VPS8: variants seen among roughly 807,000 people sequenced by gnomAD.
VPS8 encodes the protein vacuolar protein sorting-associated protein 8 homolog.
A neutral mutation model predicts 216.4 loss-of-function variants in VPS8; 129 were observed. The ratio of observed to expected loss-of-function variants is 0.60; its 90% CI spans 0.52 to 0.69. The LOEUF (loss-of-function observed/expected upper bound fraction) is 0.69, where lower values mean the gene tolerates loss of function less well. Among genes scored for constraint, VPS8 ranks in the 30% least tolerant of loss-of-function variants. VPS8 has a pLI of 0.00. For synonymous variants in VPS8, 571 were observed against 565.4 expected (o/e 1.01, Z -0.14); for missense variants, 1,531 against 1,683.5 (o/e 0.91, Z 1.59).
chr3:184,857,944 G>A (rs1725573498), intron 14 of VPS8, among the ~76,000 whole-genome samples: 1 of 152,140 alleles, frequency 6.6e-6, no homozygotes. Flanking sequence ...ATTTAGTGAA[G>A]TGAAGAGGGG....
intron 9 of VPS8, 25 bp downstream of exon 9, chr3:184,849,220 C>G: frequency 6.2e-7 from 1 of 1,600,768 alleles, no homozygotes; most frequent in Non-Finnish European, 8.5e-7. Context: ...TCCTTTAATT[C>G]ATAAGACAAT....
At chr3:184,873,746 A>G (rs1023964708) in intron 21 of VPS8, among the ~76,000 whole-genome samples, 8 of 152,200 alleles carry the variant, frequency 5.3e-5, no homozygotes, top group Admixed American at 5.2e-4. Context: ...GAAGCCGACC[A>G]TATGTAATGT....
At chr3:184,979,687 G>T (rs1323315819) in intron 40 of VPS8, among the ~76,000 whole-genome samples, 1 of 151,864 alleles carries the variant, frequency 6.6e-6, no homozygotes, top group Non-Finnish European at 1.5e-5. Context: ...TGAGTCTATG[G>T]GTATCATTGC....
intron 17 of VPS8, among the ~76,000 whole-genome samples, chr3:184,867,280 G>A (rs1375344376): frequency 6.6e-6 from 1 of 152,140 alleles, no homozygotes; most frequent in Non-Finnish European, 1.5e-5. Context: ...TAAGATGGCT[G>A]TTAGCTTAGA....
chr3:185,028,833 A>C (rs1414267644), intron 46 of VPS8, among the ~76,000 whole-genome samples: 3 of 152,180 alleles, frequency 2.0e-5, no homozygotes, highest in Admixed American at 6.5e-5. Flanking sequence ...CAGTAACCTC[A>C]TCAGTCTTGT....
chr3:184,866,813 T>TA (rs1049850069), intron 16 of VPS8, 63 bp from the exon 17 acceptor site: 9 of 1,493,610 alleles, frequency 6.0e-6, no homozygotes, highest in Admixed American at 2.0e-5. Flanking sequence ...GATGAAATGT[T>TA]AAAAAATATA....
chr3:184,937,953 TG>T (rs1156941335), intron 35 of VPS8, among the ~76,000 whole-genome samples: 1 of 152,200 alleles, frequency 6.6e-6, no homozygotes, highest in Non-Finnish European at 1.5e-5. Flanking sequence ...TTCTGTGTAC[TG>T]AGAATTATTG....
intron 46 of VPS8, among the ~76,000 whole-genome samples, chr3:185,031,868 T>TA (rs1012287307): frequency 2.6e-5 from 4 of 152,140 alleles, no homozygotes; most frequent in African/African-American, 9.7e-5. Context: ...ATAATTGTAT[T>TA]AAAAACAAGT....
At chr3:184,961,928 A>G (rs1028549778) in intron 37 of VPS8, among the ~76,000 whole-genome samples, 1 of 151,916 alleles carries the variant, frequency 6.6e-6, no homozygotes, top group Non-Finnish European at 1.5e-5. Context: ...CACCGTGCTA[A>G]TTTTTGTATT....
At chr3:184,894,947 T>TA in intron 23 of VPS8, 22 bp downstream of exon 23, 1 of 1,558,322 alleles carries the variant, frequency 6.4e-7, no homozygotes, top group South Asian at 1.2e-5. Context: ...GACAGTCTAC[T>TA]AACTTATGAA....
chr3:185,037,025 A>G (rs1168795353), intron 46 of VPS8, among the ~76,000 whole-genome samples: 3 of 151,282 alleles, frequency 2.0e-5, no homozygotes, highest in Non-Finnish European at 2.9e-5. Context: ...ATATGCATTT[A>G]TACTGTATTT....
At chr3:184,837,556 A>C (rs529969673) in intron 5 of VPS8, among the ~76,000 whole-genome samples, 1 of 152,172 alleles carries the variant, frequency 6.6e-6, no homozygotes, top group Non-Finnish European at 1.5e-5. Flanking sequence ...TATACACTCA[A>C]AGTTGGATAG....
intron 35 of VPS8, among the ~76,000 whole-genome samples, chr3:184,938,624 G>A (rs1273734822): frequency 6.6e-6 from 1 of 151,000 alleles, no homozygotes; most frequent in Non-Finnish European, 1.5e-5. Context: ...ATCACTTGTA[G>A]GATTTTCTTT....
At chr3:184,905,618 C>CTTTT (rs59430187) in intron 25 of VPS8, among the ~76,000 whole-genome samples, 1 of 125,658 alleles carries the variant, frequency 8.0e-6, no homozygotes, top group African/African-American at 2.9e-5. Context: ...AAGCTCAGCT[C>CTTTT]TTTTTTTTTT....
intron 22 of VPS8, among the ~76,000 whole-genome samples, chr3:184,892,523 G>A (rs1461807837): frequency 6.6e-6 from 1 of 152,134 alleles, no homozygotes; most frequent in Admixed American, 6.6e-5. Context: ...GGCCTAGCCT[G>A]TATGTACTTT....
At chr3:184,879,075 T>C (rs969768003) in intron 21 of VPS8, among the ~76,000 whole-genome samples, 4 of 152,248 alleles carry the variant, frequency 2.6e-5, no homozygotes, top group Admixed American at 2.0e-4. Flanking sequence ...GCATCTGTTA[T>C]TTCTTTTCAA....
In VPS8 at chr3:185,030,606, G is replaced by A. The variant is rs78072173; in HGVS notation, c.4056+6217G>A. Among the ~76,000 whole-genome samples the A allele has an allele frequency of 8.1e-3, 1,234 of 152,326 alleles. 9 individuals carry two copies. The highest frequency in any genetic ancestry group is 0.024 in the Middle Eastern group (7 of 294). On this transcript the variant is annotated intron_variant, in intron 46 of 47. Transcript: ENST00000625842. The stretch of plus-strand genomic sequence containing the variant: ...TTCCGCAAGCCTGTTAGGTGCCAGG[G>A]TTCAGAGGGACAAAGGACAGTGAAG...
chr3:184,926,346 CAGCCTGGGCGACAGAGTG>C (rs1179247246), intron 30 of VPS8, among the ~76,000 whole-genome samples: 2 of 150,784 alleles, frequency 1.3e-5, no homozygotes, highest in African/African-American at 4.9e-5. Flanking sequence ...CACTGCACTC[CAGCCTGGGCGACAGAGTG>C]AGACTCTGTC....
chr3:185,023,031 T>C (rs994946713), intron 45 of VPS8, among the ~76,000 whole-genome samples: 3 of 152,208 alleles, frequency 2.0e-5, no homozygotes, highest in South Asian at 4.1e-4. Flanking sequence ...ACATAAAGTG[T>C]ACAAATTTGA....
Sources: gnomAD v4.1 joint callset for allele counts (sites outside exome capture counted in the v4.1 genomes callset) on GRCh38, gnomAD v4.1.1 for gene constraint, MANE v1.5 for transcripts, NCBI Gene and HGNC (gene_info 2026-07-23, HGNC 2026-07-21) for gene names.